TMEM117: variants seen among roughly 807,000 people sequenced by gnomAD.
The protein encoded by TMEM117 is transmembrane protein 117.
In TMEM117, 27 loss-of-function variants were observed where a neutral mutation model predicts 52.4. That is an observed-to-expected ratio of 0.51 (90% CI 0.38 to 0.71). The LOEUF (loss-of-function observed/expected upper bound fraction) is 0.71. TMEM117 is among the 30% of genes least tolerant of loss of function. The probability of loss-of-function intolerance (pLI) is 0.00; values close to 1 mark genes in which losing one functional copy is unlikely to be tolerated. For missense variants in TMEM117, 556 were observed against 630.5 expected (o/e 0.88, Z 1.26); for synonymous variants, 215 against 206.3 (o/e 1.04, Z -0.36).
intron 3 of TMEM117, among the ~76,000 whole-genome samples, chr12:43,957,612 A>G (rs2137652735): frequency 6.6e-6 from 1 of 152,312 alleles, no homozygotes; most frequent in African/African-American, 2.4e-5. Flanking sequence ...TTTGGTATTA[A>G]TAAAGAGAGG....
intron 2 of TMEM117, among the ~76,000 whole-genome samples, chr12:43,912,332 C>T (rs1455989030): frequency 1.3e-5 from 2 of 148,934 alleles, no homozygotes; most frequent in African/African-American, 2.5e-5. Context: ...GAACATCACG[C>T]TCTGGGGACT....
chr12:43,974,681 A>T, intron 3 of TMEM117, among the ~76,000 whole-genome samples: 1 of 152,114 alleles, frequency 6.6e-6, no homozygotes, highest in East Asian at 1.9e-4. Context: ...TTCCAGATGT[A>T]CATTTTTGAT....
intron 3 of TMEM117, among the ~76,000 whole-genome samples, chr12:43,945,549 C>G (rs1413731773): frequency 6.6e-6 from 1 of 152,148 alleles, no homozygotes; most frequent in East Asian, 1.9e-4. Context: ...TCTCGAATTC[C>G]TGACCTCAGG....
At chr12:43,862,612 TC>T (rs1487278310) in intron 2 of TMEM117, among the ~76,000 whole-genome samples, 4 of 152,214 alleles carry the variant, frequency 2.6e-5, no homozygotes, top group African/African-American at 9.6e-5. Flanking sequence ...AAGAAGTACT[TC>T]TAGCTAGTGA....
At chr12:44,074,104 T>C (rs1947344633) in intron 3 of TMEM117, among the ~76,000 whole-genome samples, 1 of 152,174 alleles carries the variant, frequency 6.6e-6, no homozygotes, top group Non-Finnish European at 1.5e-5. Context: ...GTTTTCTGTT[T>C]GATTTTACAA....
At chr12:44,346,067 A>G (rs1951482515) in intron 6 of TMEM117, among the ~76,000 whole-genome samples, 1 of 152,130 alleles carries the variant, frequency 6.6e-6, no homozygotes, top group Non-Finnish European at 1.5e-5. Flanking sequence ...AAGTTTTATC[A>G]GTTCGATACA....
At chr12:43,971,633 C>G (rs933164868) in intron 3 of TMEM117, among the ~76,000 whole-genome samples, 1 of 152,148 alleles carries the variant, frequency 6.6e-6, no homozygotes, top group African/African-American at 2.4e-5. Flanking sequence ...GCCTTAAGGT[C>G]AGGTAAAATG....
the TMEM117 span, chr12:43,797,220 G>A: frequency 6.7e-7 from 1 of 1,484,984 alleles, no homozygotes; most frequent in Non-Finnish European, 9.1e-7. Context: ...AAGCCCTCTG[G>A]GCAAGAAATA....
At chr12:43,919,946 C>T (rs1944664555) in intron 2 of TMEM117, among the ~76,000 whole-genome samples, 1 of 151,764 alleles carries the variant, frequency 6.6e-6, no homozygotes. Context: ...ATTTATATCT[C>T]TAGGTCCAGC....
chr12:43,992,408 C>T (rs1945958065), intron 3 of TMEM117, among the ~76,000 whole-genome samples: 1 of 152,018 alleles, frequency 6.6e-6, no homozygotes, highest in Non-Finnish European at 1.5e-5. Context: ...GCTGGGACTA[C>T]AGGTGCATGC....
At chr12:43,979,169 G>A (rs1410933969) in intron 3 of TMEM117, among the ~76,000 whole-genome samples, 2 of 151,804 alleles carry the variant, frequency 1.3e-5, no homozygotes, top group African/African-American at 4.8e-5. Flanking sequence ...TGTGTAAGTT[G>A]CTAGTATTTA....
chr12:44,335,954 G>T (rs915544105), intron 6 of TMEM117, among the ~76,000 whole-genome samples: 1 of 152,014 alleles, frequency 6.6e-6, no homozygotes, highest in Non-Finnish European at 1.5e-5. Context: ...ATATGGATTT[G>T]TTGCAAAGAT....
At chr12:44,021,584 C>T (rs754520877) in intron 3 of TMEM117, among the ~76,000 whole-genome samples, 1 of 152,178 alleles carries the variant, frequency 6.6e-6, no homozygotes, top group Non-Finnish European at 1.5e-5. Flanking sequence ...CCCAAATAAG[C>T]ATATTTTTAG....
At chr12:44,163,869 C>T (rs1488151568) in intron 4 of TMEM117, among the ~76,000 whole-genome samples, 4 of 152,144 alleles carry the variant, frequency 2.6e-5, no homozygotes, top group African/African-American at 9.7e-5. Flanking sequence ...ATTATTGAAG[C>T]CACTCATCAT....
chr12:43,961,362 TA>T (rs1945400203), intron 3 of TMEM117, among the ~76,000 whole-genome samples: 1 of 152,072 alleles, frequency 6.6e-6, no homozygotes, highest in South Asian at 2.1e-4. Context: ...TTGTAATAGT[TA>T]TTATTAATTT....
chr12:44,005,292 C>T lies in TMEM117; in HGVS notation c.410+60950C>T, dbSNP rs559815785. Among the ~76,000 whole-genome samples, 6 of 152,264 alleles carry T rather than the reference C, an allele frequency of 3.9e-5. No individual in the cohort carries two copies. The South Asian group carries it at 8.3e-4, about 21-fold the overall frequency. On this transcript the variant is annotated intron_variant, in intron 3 of 7. Coordinates refer to ENST00000266534, the MANE Select transcript of TMEM117 (RefSeq NM_032256.3). Reference sequence around the variant, plus strand: ...TTTAATGTCTAAATTTAACGTGAAACGTCATTTTCATTAAAAAGTACAATT... The same window carrying T: ...TTTAATGTCTAAATTTAACGTGAAATGTCATTTTCATTAAAAAGTACAATT...
chr12:44,318,005 TA>T (rs1469257953), intron 6 of TMEM117, among the ~76,000 whole-genome samples: 1 of 152,072 alleles, frequency 6.6e-6, no homozygotes, highest in Non-Finnish European at 1.5e-5. Context: ...TGGAGCTTGG[TA>T]ACCTGCTTGG....
At chr12:44,202,614 T>C (rs1231149737) in intron 4 of TMEM117, among the ~76,000 whole-genome samples, 1 of 152,212 alleles carries the variant, frequency 6.6e-6, no homozygotes, top group Non-Finnish European at 1.5e-5. Context: ...CTTTTTTCAT[T>C]GTGACTCTTC....
chr12:44,114,197 C>T (rs1030602138), intron 3 of TMEM117, among the ~76,000 whole-genome samples: 9 of 151,922 alleles, frequency 5.9e-5, no homozygotes, highest in Non-Finnish European at 8.8e-5. Flanking sequence ...AGCTGTAGAC[C>T]GGAGCTGTTC....
Sources: gnomAD v4.1 joint callset for allele counts (sites outside exome capture counted in the v4.1 genomes callset) on GRCh38, gnomAD v4.1.1 for gene constraint, MANE v1.5 for transcripts, NCBI Gene and HGNC (gene_info 2026-07-23, HGNC 2026-07-21) for gene names.